C3orf70: variants seen among roughly 807,000 people sequenced by gnomAD.
C3orf70 encodes UPF0524 protein C3orf70.
A neutral mutation model predicts 20.7 loss-of-function variants in C3orf70; 15 were observed. The ratio of observed to expected loss-of-function variants is 0.72; its 90% CI spans 0.48 to 1.11. The LOEUF (loss-of-function observed/expected upper bound fraction) is 1.11, where lower values mean the gene tolerates loss of function less well. Among genes scored for constraint, C3orf70 ranks in the 50% most tolerant of loss-of-function variants. C3orf70 has a pLI of 0.00. For missense variants in C3orf70, 332 were observed against 317.6 expected, an observed-to-expected ratio of 1.05 and a Z score of -0.34; for synonymous variants, 161 against 125.7, an observed-to-expected ratio of 1.28 and a Z score of -1.88.
intron 1 of C3orf70, among the ~76,000 whole-genome samples, chr3:185,124,556 G>A (rs909177199): frequency 1.1e-4 from 17 of 152,108 alleles, no homozygotes; most frequent in African/African-American, 3.1e-4. Context: ...AGTCAGAGAC[G>A]TAAACATGAA....
rs66562532 is a variant in C3orf70, at chr3:185,141,801, A to AACACACAC, written c.196+10819_196+10826dup. 4.3e-3 allele frequency among the ~76,000 whole-genome samples: 623 copies of AACACACAC among 146,460 alleles called. 7 individuals are homozygous for AACACACAC. Among genetic ancestry groups the AACACACAC allele is most frequent in the African/African-American group, 0.014 (553 of 39,814 alleles). On this transcript the variant is annotated intron_variant, in intron 1 of 1. Transcript: ENST00000335012. ...GTATGCAGTGGGGAAATGCAAAGGA[A>AACACACAC]ACACACACACACACACACACACACA...
chr3:185,117,082 G>A (rs1238387493), intron 1 of C3orf70, among the ~76,000 whole-genome samples: 2 of 151,976 alleles, frequency 1.3e-5, no homozygotes, highest in Non-Finnish European at 2.9e-5. Context: ...CGCCCGGCCT[G>A]ACCCTCTACA....
At chr3:185,091,062 T>C (rs1659217552) in intron 1 of C3orf70, among the ~76,000 whole-genome samples, 1 of 152,112 alleles carries the variant, frequency 6.6e-6, no homozygotes, top group Non-Finnish European at 1.5e-5. Context: ...CTAAGTCAGA[T>C]GCTATGGGGA....
At chr3:185,095,547 A>AAGTC (rs1399015758) in intron 1 of C3orf70, among the ~76,000 whole-genome samples, 1 of 152,214 alleles carries the variant, frequency 6.6e-6, no homozygotes, top group African/African-American at 2.4e-5. Flanking sequence ...GGGTGCTAAC[A>AAGTC]AGTCAGCCTG....
At chr3:185,136,901 C>T (rs1471328198) in intron 1 of C3orf70, among the ~76,000 whole-genome samples, 4 of 140,390 alleles carry the variant, frequency 2.8e-5, no homozygotes, top group African/African-American at 1.1e-4. Flanking sequence ...CAGAGCAAGA[C>T]TGTCTCAAAA....
chr3:185,134,693 TTG>T (rs1455192528), intron 1 of C3orf70, among the ~76,000 whole-genome samples: 6 of 151,734 alleles, frequency 4.0e-5, no homozygotes, highest in African/African-American at 1.5e-4. Flanking sequence ...AGAGAAAAAA[TTG>T]TGTACTTTAC....
rs537947543 is a variant in C3orf70 at position 185,100,750 on chromosome 3, G to A, written c.197-17187C>T. ...CCATCCAAAACCTCAATGGGTCCTG[G>A]AGTTGGTTTTTTGAAAAAAAAAAAT... On this transcript the variant is annotated intron_variant, in intron 1 of 1. Transcript: ENST00000335012. Among the ~76,000 whole-genome samples the A allele has an allele frequency of 7.3e-5, 11 of 151,050 alleles. No homozygotes were observed. In the East Asian group the frequency reaches 2.1e-3, roughly 29 times the overall value.
intron 1 of C3orf70, among the ~76,000 whole-genome samples, chr3:185,127,771 G>A (rs1192106133): frequency 2.6e-5 from 4 of 151,838 alleles, no homozygotes; most frequent in African/African-American, 9.7e-5. Context: ...CGAGTAAACC[G>A]ACTCCCTCAA....
intron 1 of C3orf70, among the ~76,000 whole-genome samples, chr3:185,127,543 G>T (rs954742643): frequency 1.3e-5 from 2 of 152,122 alleles, no homozygotes; most frequent in African/African-American, 4.8e-5. Context: ...GGGTTCAAGC[G>T]ATTCTCTTGC....
At chr3:185,141,138 C>A (rs1291698423) in intron 1 of C3orf70, among the ~76,000 whole-genome samples, 1 of 152,050 alleles carries the variant, frequency 6.6e-6, no homozygotes, top group Non-Finnish European at 1.5e-5. Flanking sequence ...TCTAGAACTG[C>A]AAGAAACAAA....
intron 1 of C3orf70, among the ~76,000 whole-genome samples, chr3:185,093,251 G>T (rs1469640552): frequency 6.6e-6 from 1 of 152,118 alleles, no homozygotes; most frequent in African/African-American, 2.4e-5. Context: ...AAGCTACACT[G>T]CTCCAGGCCA....
At chr3:185,096,707 T>C (rs1041757588) in intron 1 of C3orf70, among the ~76,000 whole-genome samples, 7 of 152,182 alleles carry the variant, frequency 4.6e-5, no homozygotes, top group Non-Finnish European at 1.5e-5. Flanking sequence ...TGTGGTTCCT[T>C]GGCTCACTTA....
intron 1 of C3orf70, among the ~76,000 whole-genome samples, chr3:185,112,236 GC>G (rs1716090801): frequency 6.6e-6 from 1 of 152,188 alleles, no homozygotes; most frequent in African/African-American, 2.4e-5. Flanking sequence ...GGTGCAGTGA[GC>G]CAAGATCACA....
At chr3:185,091,985 G>C (rs1172417529) in intron 1 of C3orf70, among the ~76,000 whole-genome samples, 2 of 110,682 alleles carry the variant, frequency 1.8e-5, no homozygotes, top group South Asian at 6.2e-4. Context: ...TTTTAGTAGA[G>C]ACAGGGTTTC....
intron 1 of C3orf70, among the ~76,000 whole-genome samples, chr3:185,085,719 G>T (rs1271978120): frequency 6.6e-6 from 1 of 152,182 alleles, no homozygotes. Context: ...GTAAGAGGTG[G>T]TATGGTAGGA....
In C3orf70 at chr3:185,092,135, C is replaced by T. The variant is rs907726910; in HGVS notation, c.197-8572G>A. On this transcript the variant is annotated intron_variant, in intron 1 of 1. Transcript: ENST00000335012. ...TTTGAAATTGTTTATCTCATATTTT[C>T]AGTTTCCTCTAGTAAAAGTGATTAA... Among the ~76,000 whole-genome samples the T allele has an allele frequency of 2.0e-5, 3 of 151,390 alleles. No homozygotes were observed. The South Asian group carries it at 6.3e-4, about 32-fold the overall frequency.
At chr3:185,106,681 G>A (rs1340906970) in intron 1 of C3orf70, among the ~76,000 whole-genome samples, 1 of 152,166 alleles carries the variant, frequency 6.6e-6, no homozygotes, top group African/African-American at 2.4e-5. Context: ...TACAATGTCT[G>A]TCCCCCGCCA....
At chr3:185,116,939 C>T (rs979922916) in intron 1 of C3orf70, among the ~76,000 whole-genome samples, 12 of 151,980 alleles carry the variant, frequency 7.9e-5, no homozygotes, top group Admixed American at 3.9e-4. Context: ...CCACCATGCC[C>T]GGCTAATTTT....
intron 1 of C3orf70, among the ~76,000 whole-genome samples, chr3:185,086,113 A>G (rs948419598): frequency 2.0e-5 from 3 of 152,222 alleles, no homozygotes; most frequent in Non-Finnish European, 4.4e-5. Context: ...CCTCAGATCC[A>G]GAGGGAACAA....
Sources: gnomAD v4.1 joint callset for allele counts (sites outside exome capture counted in the v4.1 genomes callset) on GRCh38, gnomAD v4.1.1 for gene constraint, MANE v1.5 for transcripts, NCBI Gene and HGNC (gene_info 2026-07-23, HGNC 2026-07-21) for gene names.